CAPS2: variants seen among roughly 807,000 people sequenced by gnomAD.
CAPS2 encodes the protein calcyphosin-2.
Under a neutral mutation model 86.5 loss-of-function variants are expected in CAPS2, and 98 were observed. That is an observed-to-expected ratio of 1.13 (90% CI 0.96 to 1.34). CAPS2 has a LOEUF of 1.34. Ranked by LOEUF, CAPS2 falls within the 40% of genes most tolerant of loss-of-function variation. The pLI is 0.00. For missense variants in CAPS2, 729 were observed against 686.8 expected, an observed-to-expected ratio of 1.06 and a Z score of -0.69; for synonymous variants, 210 against 225.1, an observed-to-expected ratio of 0.93 and a Z score of 0.60.
At chr12:75,291,749 A>G in exon 13 of CAPS2, 1 of 1,550,826 alleles carries the variant, frequency 6.4e-7, no homozygotes, top group South Asian at 1.2e-5. Context: ...CATACCTTGA[A>G]TTGCTTTGAA....
exon 5 of CAPS2, chr12:75,321,425 G>T: frequency 6.5e-7 from 1 of 1,544,838 alleles, no homozygotes; most frequent in South Asian, 1.2e-5. Flanking sequence ...GTTTCTTGGA[G>T]ACTGTTTATG....
At chr12:75,293,260 C>T in exon 12 of CAPS2, 1 of 1,585,194 alleles carries the variant, frequency 6.3e-7, no homozygotes, top group Non-Finnish European at 8.6e-7. Flanking sequence ...TGAGAGAATC[C>T]AAAGCTATTT....
At chr12:75,376,829 C>T (rs1437408012) in intron 1 of CAPS2, among the ~76,000 whole-genome samples, 2 of 152,068 alleles carry the variant, frequency 1.3e-5, no homozygotes, top group African/African-American at 4.8e-5. Flanking sequence ...TCTGATTTTC[C>T]ACAATTTAGC....
At chr12:75,351,223 A>T (rs1415675985) in intron 1 of CAPS2, among the ~76,000 whole-genome samples, 1 of 152,216 alleles carries the variant, frequency 6.6e-6, no homozygotes, top group Non-Finnish European at 1.5e-5. Flanking sequence ...GGGGTACCTG[A>T]AATAAATGGG....
chr12:75,299,972 T>C (rs2037535766), intron 8 of CAPS2, 61 bp from the exon 9 acceptor site: 2 of 643,700 alleles, frequency 3.1e-6, no homozygotes, highest in Admixed American at 3.0e-5. Flanking sequence ...ATGGAAATTG[T>C]AAATGTACAA....
intron 1 of CAPS2, among the ~76,000 whole-genome samples, chr12:75,356,213 G>A (rs1330168587): frequency 6.6e-6 from 1 of 152,038 alleles, no homozygotes. Flanking sequence ...TAATGCAAAA[G>A]AAGCAATATC....
In CAPS2 at chr12:75,312,831, C is replaced by T. The variant is rs768963593; in HGVS notation, c.659+17G>A. 1.0e-5 allele frequency: 14 copies of T among 1,378,346 alleles called. No homozygotes were observed. The African/African-American group carries it at 1.9e-4, about 18-fold the overall frequency. The allele number at this position is 1,378,346 out of a possible 1,614,324, so 85.4% of individuals were successfully genotyped here. On this transcript the variant is annotated intron_variant, in intron 7 of 16. Coordinates refer to ENST00000393284, the Ensembl canonical transcript of CAPS2. ...AACTTTCTGAATTGATTTCTATTAC[C>T]AGTTGCTAATTCTCACCTAGATAAG... is the stretch of plus-strand genomic sequence containing the variant.
chr12:75,359,908 T>C (rs370358171), intron 1 of CAPS2: 4 of 152,134 alleles, frequency 2.6e-5, no homozygotes, highest in African/African-American at 9.7e-5. Flanking sequence ...ATAGGTTTAA[T>C]TGACTACAGT....
chr12:75,327,825 T>C (rs966698466), upstream of CAPS2, among the ~76,000 whole-genome samples: 4 of 148,874 alleles, frequency 2.7e-5, no homozygotes, highest in African/African-American at 4.9e-5. Flanking sequence ...ATTAAGTATA[T>C]TTATTAAAAT....
intron 11 of CAPS2, among the ~76,000 whole-genome samples, chr12:75,297,681 C>T (rs1047822564): frequency 4.6e-5 from 7 of 152,168 alleles, no homozygotes; most frequent in African/African-American, 1.7e-4. Flanking sequence ...TTAACATGGG[C>T]TGCTTTTAAT....
intron 12 of CAPS2, among the ~76,000 whole-genome samples, chr12:75,292,152 C>T (rs1283594803): frequency 9.9e-5 from 15 of 151,988 alleles, no homozygotes; most frequent in Admixed American, 9.2e-4. Context: ...CTGCAACCTC[C>T]GCCTCCCAGG....
At chr12:75,359,005 T>C (rs1033822997) in intron 1 of CAPS2, among the ~76,000 whole-genome samples, 13 of 149,554 alleles carry the variant, frequency 8.7e-5, no homozygotes, top group Non-Finnish European at 1.8e-4. Flanking sequence ...AAACAGACCA[T>C]AGGACAGATT....
chr12:75,366,725 G>A (rs2043989709), intron 1 of CAPS2: 2 of 593,122 alleles, frequency 3.4e-6, no homozygotes, highest in Admixed American at 5.7e-5. Context: ...GCTGATTTTG[G>A]GTGAGACTGC....
chr12:75,361,536 G>A (rs553898587), intron 1 of CAPS2, among the ~76,000 whole-genome samples: 1 of 152,286 alleles, frequency 6.6e-6, no homozygotes, highest in South Asian at 2.1e-4. Flanking sequence ...TGAAGCAACA[G>A]CCCAAGCTGT....
chr12:75,308,679 C>A (rs1451616927), intron 7 of CAPS2, among the ~76,000 whole-genome samples: 3 of 151,660 alleles, frequency 2.0e-5, no homozygotes, highest in African/African-American at 7.3e-5. Context: ...GGAAATGAGG[C>A]AGGAAAATAG....
chr12:75,371,484 T>C (rs1470815681), intron 1 of CAPS2: 1 of 357,914 alleles, frequency 2.8e-6, no homozygotes, highest in Non-Finnish European at 5.7e-6. Flanking sequence ...CTTTGCATCC[T>C]TCAATAAAGT....
chr12:75,279,856 G>C (rs908765607), intron 16 of CAPS2, among the ~76,000 whole-genome samples: 1 of 151,946 alleles, frequency 6.6e-6, no homozygotes, highest in African/African-American at 2.4e-5. Context: ...TGAAAACATA[G>C]ATTTTGGTAG....
chr12:75,338,371 T>A (rs955759648), intron 1 of CAPS2, among the ~76,000 whole-genome samples: 6 of 152,030 alleles, frequency 3.9e-5, no homozygotes, highest in African/African-American at 1.4e-4. Flanking sequence ...CTGTGAGAAA[T>A]CTGACTTGGA....
chr12:75,300,091 C>G (rs2037559285), intron 8 of CAPS2, among the ~76,000 whole-genome samples, 180 bp from the exon 9 acceptor site: 2 of 152,020 alleles, frequency 1.3e-5, no homozygotes, highest in Admixed American at 1.3e-4. Flanking sequence ...AGAAATAACT[C>G]TGAGATATAG....
Sources: gnomAD v4.1 joint callset for allele counts (sites outside exome capture counted in the v4.1 genomes callset) on GRCh38, gnomAD v4.1.1 for gene constraint, MANE v1.5 for transcripts, NCBI Gene and HGNC (gene_info 2026-07-23, HGNC 2026-07-21) for gene names.